PARPBP: variants seen among roughly 807,000 people sequenced by gnomAD.
PARPBP encodes PCNA-interacting partner.
PARPBP carries 52 observed loss-of-function variants against 50.0 expected under a neutral mutation model. The ratio of observed to expected loss-of-function variants is 1.04; its 90% CI spans 0.83 to 1.31. The LOEUF (loss-of-function observed/expected upper bound fraction) is 1.31. PARPBP is among the 50% of genes most tolerant of loss of function. PARPBP has a pLI of 0.00. For missense variants in PARPBP, 697 were observed against 672.0 expected (o/e 1.04, Z -0.41); for synonymous variants, 244 against 232.1 (o/e 1.05, Z -0.47).
intron 2 of PARPBP, among the ~76,000 whole-genome samples, chr12:102,146,483 A>T (rs1030545325): frequency 1.3e-5 from 2 of 152,218 alleles, no homozygotes; most frequent in Admixed American, 1.3e-4. Context: ...TCCCTATTTA[A>T]TAAATGGTGC....
At position 102,182,164 on chromosome 12, in the gene PARPBP, G is replaced by A. The variant is rs137900912; in HGVS notation, c.1185-385G>A. 3.3e-5 allele frequency among the ~76,000 whole-genome samples: 5 copies of A among 152,238 alleles called. No homozygotes were observed. The East Asian group carries it at 9.7e-4, about 29-fold the overall frequency. On this transcript the variant is annotated intron_variant, in intron 8 of 10. Coordinates refer to ENST00000327680, the MANE Select transcript of PARPBP (RefSeq NM_017915.5). ...GGATCTTTTCCTGAGCTAGCAATAT[G>A]TAGAACAATATTCTCTCATGATTCT...
chr12:102,169,801 T>C (rs1229175366), intron 6 of PARPBP, among the ~76,000 whole-genome samples: 1 of 152,160 alleles, frequency 6.6e-6, no homozygotes, highest in Non-Finnish European at 1.5e-5. Flanking sequence ...AGGGTAAAGC[T>C]TCAGGAACCT....
At chr12:102,148,524 A>T (rs779315973) in intron 3 of PARPBP, 61 bp downstream of exon 3, 1 of 647,986 alleles carries the variant, frequency 1.5e-6, no homozygotes, top group Admixed American at 2.8e-5. Context: ...ATTTATTTTG[A>T]ATTATAGTAT....
chr12:102,152,472 C>T (rs1386778209), intron 3 of PARPBP, among the ~76,000 whole-genome samples: 3 of 152,090 alleles, frequency 2.0e-5, no homozygotes, highest in Non-Finnish European at 2.9e-5. Context: ...CTATAAATTT[C>T]GTGTATTGAT....
chr12:102,139,846 G>A (rs910582767), intron 2 of PARPBP, among the ~76,000 whole-genome samples: 1 of 152,212 alleles, frequency 6.6e-6, no homozygotes, highest in Non-Finnish European at 1.5e-5. Context: ...CTTGATCTTA[G>A]TGGATAAGCT....
At chr12:102,120,684 T>C (rs901494572) in intron 1 of PARPBP, among the ~76,000 whole-genome samples, 2 of 152,156 alleles carry the variant, frequency 1.3e-5, no homozygotes, top group Non-Finnish European at 2.9e-5. Context: ...ACACTGATAA[T>C]GATGTTGAGT....
intron 2 of PARPBP, among the ~76,000 whole-genome samples, chr12:102,124,748 G>A (rs79882143): frequency 0.036 from 5,465 of 152,240 alleles, 134 homozygotes; most frequent in African/African-American, 0.063. Flanking sequence ...GGTAGAATTA[G>A]CTTCAATGGG....
chr12:102,197,242 ATTC>A lies in PARPBP; in HGVS notation c.*954_*956del, dbSNP rs1371866404. 6 of 1,209,140 alleles carry A rather than the reference ATTC, an allele frequency of 5.0e-6. 1 individual carries two copies. The highest frequency in any genetic ancestry group is 2.7e-5 in the South Asian group (2 of 73,858). The allele number at this position is 1,209,140 out of a possible 1,614,324, so 74.9% of individuals were successfully genotyped here. A position where few individuals can be genotyped will look rare whatever the true frequency, so the allele number is the denominator to read the frequency against. On this transcript the variant is annotated 3_prime_UTR_variant, in exon 11 of 11. Transcript: ENST00000327680. ...TGGAACTATAATACAATTGTATAAT[ATTC>A]TTGTTGATCAATTCAAAGTTACTCT...
chr12:102,132,536 A>G (rs1042920328), intron 2 of PARPBP, among the ~76,000 whole-genome samples: 1 of 152,112 alleles, frequency 6.6e-6, no homozygotes, highest in Non-Finnish European at 1.5e-5. Flanking sequence ...TGCTAGTACT[A>G]TGCTATTTGG....
rs184575409 is a variant in PARPBP, at chr12:102,171,638, G to A, written c.822-3845G>A. 1.9e-3 allele frequency among the ~76,000 whole-genome samples: 283 copies of A among 152,138 alleles called. 1 individual carries two copies. The highest frequency in any genetic ancestry group is 0.01 in the Middle Eastern group (3 of 294). ...TCTCAACACTTTGGGAGGCCGAGGC[G>A]GGCGGATCACGAGGTCAGGAGATCG... On this transcript the variant is annotated intron_variant, in intron 6 of 10. Coordinates refer to ENST00000327680, the MANE Select transcript of PARPBP (RefSeq NM_017915.5).
At chr12:102,154,136 G>T in intron 4 of PARPBP, 160 bp downstream of exon 4, 1 of 501,890 alleles carries the variant, frequency 2.0e-6, no homozygotes. Context: ...TTGGAGGCTG[G>T]TGAGAATGTG....
intron 8 of PARPBP, 46 bp downstream of exon 8, chr12:102,178,816 G>C (rs1473310750): frequency 8.1e-7 from 1 of 1,237,890 alleles, no homozygotes; most frequent in East Asian, 2.6e-5. Flanking sequence ...TAACTCTAGA[G>C]AATTATAAAA....
In PARPBP at chr12:102,196,486, G is replaced by A; in HGVS notation, c.*195G>A. The A allele has an allele frequency of 1.4e-6, 1 of 736,954 alleles. No individual in the cohort carries two copies. Among genetic ancestry groups the A allele is most frequent in the South Asian group, 1.7e-5 (1 of 58,506 alleles). The allele number at this position is 736,954 out of a possible 1,614,324, so 45.7% of individuals were successfully genotyped here. A position where few individuals can be genotyped will look rare whatever the true frequency, so the allele number is the denominator to read the frequency against. ...ATGCAGAATTTTCACAAAGTTTAAT[G>A]CACAGAGAAAGCATATCATTTCAGT... On this transcript the variant is annotated 3_prime_UTR_variant, in exon 11 of 11. Coordinates refer to ENST00000327680, the MANE Select transcript of PARPBP (RefSeq NM_017915.5).
At chr12:102,181,004 A>G (rs879579775) in intron 8 of PARPBP, among the ~76,000 whole-genome samples, 10 of 152,188 alleles carry the variant, frequency 6.6e-5, no homozygotes, top group Non-Finnish European at 1.5e-4. Flanking sequence ...GGATTAATTT[A>G]TTAAGGTATT....
chr12:102,149,834 G>A (rs894751137), intron 3 of PARPBP, among the ~76,000 whole-genome samples: 2 of 152,146 alleles, frequency 1.3e-5, no homozygotes, highest in African/African-American at 4.8e-5. Flanking sequence ...TGTAAAGATA[G>A]CTTTTTAAAT....
chr12:102,179,518 G>A (rs1020414714), intron 8 of PARPBP, among the ~76,000 whole-genome samples: 1 of 152,116 alleles, frequency 6.6e-6, no homozygotes, highest in African/African-American at 2.4e-5. Flanking sequence ...CTTTCCCCTT[G>A]GGTTGCAGAT....
intron 8 of PARPBP, 114 bp from the exon 9 acceptor site, chr12:102,182,435 A>AT: frequency 4.3e-6 from 3 of 695,270 alleles, no homozygotes; most frequent in Non-Finnish European, 7.4e-6. Context: ...TAACCCCATC[A>AT]TAAGTTGAGG....
chr12:102,197,467 G>A lies in PARPBP; in HGVS notation c.*1176G>A. 6.7e-7 allele frequency: 1 copy of A among 1,486,592 alleles called. No homozygotes were observed. Among genetic ancestry groups the A allele is most frequent in the Non-Finnish European group, 9.1e-7 (1 of 1,100,060 alleles). 92.1% of individuals were successfully genotyped at this position (1,486,592 alleles called of 1,614,324 possible). A position where few individuals can be genotyped will look rare whatever the true frequency, so the allele number is the denominator to read the frequency against. ...ATCAGTTTTACTTTTCAGAGGATTT[G>A]TAAGAATCATTTAAATTTTCATTGA... On this transcript the variant is annotated 3_prime_UTR_variant, in exon 11 of 11. Transcript: ENST00000327680.
chr12:102,156,176 CTT>C (rs869213784), intron 4 of PARPBP, among the ~76,000 whole-genome samples: 1 of 66,176 alleles, frequency 1.5e-5, no homozygotes, highest in East Asian at 4.8e-4. Flanking sequence ...ATTAACCTTC[CTT>C]TTTTTTTTTT....
Sources: gnomAD v4.1 joint callset for allele counts (sites outside exome capture counted in the v4.1 genomes callset) on GRCh38, gnomAD v4.1.1 for gene constraint, MANE v1.5 for transcripts, NCBI Gene and HGNC (gene_info 2026-07-23, HGNC 2026-07-21) for gene names.